The following ASMTL variants were observed in gnomAD, a reference collection of about 807,000 sequenced individuals.
The protein encoded by ASMTL is acetylserotonin O-methyltransferase like, also known as probable bifunctional dTTP/UTP pyrophosphatase/methyltransferase protein.
Under a neutral mutation model 60.3 loss-of-function variants are expected in ASMTL, and 57 were observed. That is an observed-to-expected ratio of 0.95 (90% CI 0.76 to 1.18). The LOEUF (loss-of-function observed/expected upper bound fraction) is 1.18. ASMTL is among the 50% of genes most tolerant of loss of function. The pLI is 0.00. For missense variants in ASMTL, 981 were observed against 852.6 expected (o/e 1.15, Z -1.88); for synonymous variants, 419 against 373.0 (o/e 1.12, Z -1.42).
At chrX:1,438,163 C>T (rs1465823795) in intron 3 of ASMTL, among the ~76,000 whole-genome samples, 7 of 151,062 alleles carry the variant, frequency 4.6e-5, no homozygotes, top group Non-Finnish European at 8.9e-5. Flanking sequence ...GTGGCGGGTG[C>T]CTGTGATCCC....
Position 1,403,390 on chromosome X carries a change from C to T in ASMTL, c.1745G>A (p.Gly582Asp). ...ATACTCGCCCAGGCTCCGCTCCTTGCCTTCAGTCTGCACCAGCATGTTCAG... is the reference window on the plus strand; with the variant it reads ...ATACTCGCCCAGGCTCCGCTCCTTGTCTTCAGTCTGCACCAGCATGTTCAG... ...QSLNMLVQTE[G>D]KERSLGEYQC... Residue 582 changes from glycine to aspartate, a missense_variant, in exon 13 of 13, where the codon GGC becomes GAC. Transcript: ENST00000381317. The T allele has an allele frequency of 1.2e-6, 2 of 1,613,492 alleles. No individual in the cohort carries two copies. The highest frequency in any genetic ancestry group is 1.7e-6 in the Non-Finnish European group (2 of 1,179,870).
chrX:1,452,172 C>A (rs2149356930), intron 1 of ASMTL, among the ~76,000 whole-genome samples: 1 of 146,654 alleles, frequency 6.8e-6, no homozygotes, highest in Admixed American at 6.8e-5. Flanking sequence ...TCCCCAACCC[C>A]ATTCCTGGGG....
At chrX:1,446,014 C>T (rs2149346902) in intron 1 of ASMTL, among the ~76,000 whole-genome samples, 1 of 152,298 alleles carries the variant, frequency 6.6e-6, no homozygotes, top group East Asian at 1.9e-4. Flanking sequence ...ATCCGGAGGC[C>T]TAACCCTCTC....
At chrX:1,416,395 ACACG>A (rs1198186871) in intron 11 of ASMTL, among the ~76,000 whole-genome samples, 3 of 121,572 alleles carry the variant, frequency 2.5e-5, no homozygotes, top group African/African-American at 8.5e-5. Context: ...GCACACACAC[ACACG>A]GACATACAGA....
chrX:1,453,515 G>T (rs1158509292), upstream of ASMTL: 1 of 155,828 alleles, frequency 6.4e-6, no homozygotes, highest in Non-Finnish European at 1.4e-5. Context: ...AGGAAAGGCT[G>T]GCGTGGATAC....
intron 7 of ASMTL, among the ~76,000 whole-genome samples, chrX:1,426,315 G>T (rs2090609358): frequency 1.3e-5 from 2 of 152,114 alleles, no homozygotes; most frequent in South Asian, 4.1e-4. Flanking sequence ...TAAATTAGAG[G>T]CACAGACGGA....
At chrX:1,447,925 GCCATCTTGGATACACAACA>G (rs2091263896) in intron 1 of ASMTL, among the ~76,000 whole-genome samples, 1 of 140,034 alleles carries the variant, frequency 7.1e-6, no homozygotes, top group South Asian at 2.4e-4. Flanking sequence ...TGGACACACC[GCCATCTTGGATACACAACA>G]CCATCTTGGA....
Position 1,439,162 on chromosome X carries a change from T to G in ASMTL, c.226-18A>C, listed in dbSNP as rs201634200. 8 of 1,613,862 alleles carry G rather than the reference T, an allele frequency of 5.0e-6. No individual in the cohort carries two copies. Among genetic ancestry groups the G allele is most frequent in the Non-Finnish European group, 6.8e-6 (8 of 1,179,756 alleles). On this transcript the variant is annotated intron_variant, in intron 2 of 12. Transcript: ENST00000381317. ...AGGTCTTTCTGTAAGAAAACCAGAT[T>G]CCGGTTTACCGGTGACGTGCCGTGG...
chrX:1,415,332 G>A lies in ASMTL; in HGVS notation c.1523-2478C>T, dbSNP rs187807439. ...TCGGGTCAGTTCCTTCCGTGACCTCGGCACCGTGGATGCCCATGAATGCTG... is the reference window on the plus strand; with the variant it reads ...TCGGGTCAGTTCCTTCCGTGACCTCAGCACCGTGGATGCCCATGAATGCTG... On this transcript the variant is annotated intron_variant, in intron 11 of 12. Coordinates refer to ENST00000381317, the MANE Select transcript of ASMTL (RefSeq NM_004192.4). Among the ~76,000 whole-genome samples the A allele has an allele frequency of 1.8e-3, 273 of 152,218 alleles. 4 individuals carry two copies. Among genetic ancestry groups the A allele is most frequent in the African/African-American group, 6.3e-3 (261 of 41,536 alleles).
At chrX:1,448,776 C>G (rs1393206844) in intron 1 of ASMTL, among the ~76,000 whole-genome samples, 2 of 151,718 alleles carry the variant, frequency 1.3e-5, no homozygotes, top group Non-Finnish European at 2.9e-5. Flanking sequence ...CCATCTTGGA[C>G]ACACACCGCC....
rs377056125 is a variant in ASMTL at position 1,418,010 on chromosome X, G to T, written c.1485C>A (p.Pro495=). The change falls in exon 11 of 13, where the codon CCC becomes CCA. Residue 495 remains proline, a synonymous_variant. Transcript: ENST00000381317. ...GGATCTGCACTGCCTGCGGTCCGGG[G>T]GGTTGGAAGTGGGCGGCCAGCTCGA... ...DIIELAAHFQ[P]PGPQAVQIHF... 7.4e-6 allele frequency: 12 copies of T among 1,613,500 alleles called. No homozygotes were observed. The highest frequency in any genetic ancestry group is 1.3e-5 in the African/African-American group (1 of 75,046).
At chrX:1,446,716 G>A (rs1384737934) in intron 1 of ASMTL, among the ~76,000 whole-genome samples, 1 of 151,970 alleles carries the variant, frequency 6.6e-6, no homozygotes, top group Non-Finnish European at 1.5e-5. Flanking sequence ...AGCCAGGATG[G>A]TCTCGATCTC....
intron 11 of ASMTL, 102 bp from the exon 12 acceptor site, chrX:1,412,956 A>C: frequency 7.5e-7 from 1 of 1,331,064 alleles, no homozygotes; most frequent in Admixed American, 1.8e-5. Flanking sequence ...TCAGGGACAG[A>C]GAAGAGAGGG....
intron 12 of ASMTL, among the ~76,000 whole-genome samples, chrX:1,403,903 A>AGATG (rs1484628632): frequency 6.6e-6 from 1 of 151,760 alleles, no homozygotes; most frequent in African/African-American, 2.4e-5. Context: ...TGCATGTATG[A>AGATG]GATGGATGGA....
chrX:1,442,786 G>A lies in ASMTL; in HGVS notation c.94-469C>T, dbSNP rs183530804. On this transcript the variant is annotated intron_variant, in intron 1 of 12. Transcript: ENST00000381317. Reference sequence around the variant, plus strand: ...GGAAGGGAGACAATGATGGCTCTACGTCAATCCCTGGTACCCAGGAAGAGA... The same window carrying A: ...GGAAGGGAGACAATGATGGCTCTACATCAATCCCTGGTACCCAGGAAGAGA... Among the ~76,000 whole-genome samples the A allele has an allele frequency of 1.7e-3, 264 of 152,262 alleles. 1 individual carries two copies. Among genetic ancestry groups the A allele is most frequent in the African/African-American group, 5.5e-3 (227 of 41,542 alleles).
intron 3 of ASMTL, 179 bp downstream of exon 3, chrX:1,438,918 C>T (rs753500251): frequency 2.2e-4 from 47 of 210,922 alleles, no homozygotes; most frequent in African/African-American, 7.3e-4. Context: ...TGAGCCACGG[C>T]GCCTGGCCCC....
Position 1,427,770 on chromosome X carries a change from G to T in ASMTL, c.861C>A (p.Arg287=). 2 of 1,612,872 alleles carry T rather than the reference G, an allele frequency of 1.2e-6. No individual in the cohort carries two copies. The highest frequency in any genetic ancestry group is 1.7e-6 in the Non-Finnish European group (2 of 1,179,498). ...TRETLPPFPT[R]LLELIEGFML... is the part of the protein sequence containing the mutation. Reference sequence around the variant, plus strand: ...TAAAGCCCTCAATCAGCTCCAGGAGGCGTGTCGGGAACGGAGGCAGGGTCT... The same window carrying T: ...TAAAGCCCTCAATCAGCTCCAGGAGTCGTGTCGGGAACGGAGGCAGGGTCT... Residue 287 remains arginine (R), a synonymous_variant, in exon 7 of 13, where the codon CGC becomes CGA. Transcript: ENST00000381317.
chrX:1,412,865 G>C lies in ASMTL; in HGVS notation c.1523-11C>G. ...CCCTGAAAAAGTCACCTGGTTTAAAGACAAAACGAGATACGTCCGTCAGGT... is the reference window on the plus strand; with the variant it reads ...CCCTGAAAAAGTCACCTGGTTTAAACACAAAACGAGATACGTCCGTCAGGT... On this transcript the variant is annotated splice_polypyrimidine_tract_variant and intron_variant, in intron 11 of 12. Coordinates refer to ENST00000381317, the MANE Select transcript of ASMTL (RefSeq NM_004192.4). 4 of 1,613,846 alleles carry C rather than the reference G, an allele frequency of 2.5e-6. No homozygotes were observed. The highest frequency in any genetic ancestry group is 2.5e-6 in the Non-Finnish European group (3 of 1,179,792).
intron 1 of ASMTL, among the ~76,000 whole-genome samples, chrX:1,451,351 T>A (rs2091378348): frequency 7.7e-6 from 1 of 130,554 alleles, no homozygotes; most frequent in African/African-American, 3.0e-5. Flanking sequence ...CCCTCCCCAT[T>A]CCTTGGGGGT....
Sources: gnomAD v4.1 joint callset for allele counts (sites outside exome capture counted in the v4.1 genomes callset) on GRCh38, gnomAD v4.1.1 for gene constraint, MANE v1.5 for transcripts, NCBI Gene and HGNC (gene_info 2026-07-23, HGNC 2026-07-21) for gene names.